Variants in GIMAP8 observed in about 807,000 individuals in gnomAD.
GIMAP8 encodes GTPase IMAP family member 8.
GIMAP8 carries 29 observed loss-of-function variants against 35.6 expected under a neutral mutation model. That is an observed-to-expected ratio of 0.81 (90% CI 0.61 to 1.11). The LOEUF (loss-of-function observed/expected upper bound fraction) is 1.11. Among genes scored for constraint, GIMAP8 ranks in the 50% most tolerant of loss-of-function variants. The pLI is 0.00. For synonymous variants in GIMAP8, 335 were observed against 308.7 expected (o/e 1.09, Z -0.89); for missense variants, 811 against 805.0 (o/e 1.01, Z -0.09).
Position 150,478,106 on chromosome 7 carries a change from A to G in GIMAP8, c.*326A>G. 3.1e-6 allele frequency: 1 copy of G among 327,640 alleles called. No homozygotes were observed. The highest frequency in any genetic ancestry group is 5.6e-6 in the Non-Finnish European group (1 of 177,672). The allele number at this position is 327,640 out of a possible 1,614,324, so 20.3% of individuals were successfully genotyped here. On this transcript the variant is annotated 3_prime_UTR_variant, in exon 5 of 5. Coordinates refer to ENST00000307271, the MANE Select transcript of GIMAP8 (RefSeq NM_175571.4). Reference sequence around the variant, plus strand: ...TAGGTAGGTTGGAATCAGGATAGACACTGTGATCAAGGCTGAGGCCACCTG... The same window carrying G: ...TAGGTAGGTTGGAATCAGGATAGACGCTGTGATCAAGGCTGAGGCCACCTG...
rs76135975 is a variant in GIMAP8 at position 150,467,021 on chromosome 7, G to A, written c.323G>A (p.Arg108Lys). 1 of 1,614,102 alleles carries A rather than the reference G, an allele frequency of 6.2e-7. No homozygotes were observed. Among genetic ancestry groups the A allele is most frequent in the African/African-American group, 1.3e-5 (1 of 74,924 alleles). The change falls in exon 2 of 5, where the codon AGG becomes AAG. Residue 108 changes from arginine (R) to lysine (K), a missense_variant. By Grantham distance (26) the Arg-to-Lys change is conservative. Transcript: ENST00000307271. ...LLVIAIGHFTREDEETAKGIQ... is the reference protein window; with the variant it reads ...LLVIAIGHFTKEDEETAKGIQ... Reference sequence around the variant, plus strand: ...GTAATTGCCATCGGCCATTTCACAAGGGAGGATGAGGAAACAGCCAAGGGC... The same window carrying A: ...GTAATTGCCATCGGCCATTTCACAAAGGAGGATGAGGAAACAGCCAAGGGC...
intron 1 of GIMAP8, among the ~76,000 whole-genome samples, chr7:150,461,456 T>C (rs1372761147): frequency 6.6e-6 from 1 of 152,228 alleles, no homozygotes; most frequent in East Asian, 1.9e-4. Context: ...AGTTGATCTA[T>C]CATTATATAA....
intron 1 of GIMAP8, among the ~76,000 whole-genome samples, chr7:150,452,199 C>T (rs192317919): frequency 3.6e-4 from 55 of 152,196 alleles, no homozygotes; most frequent in Admixed American, 4.6e-4. Flanking sequence ...GCTGGCAGAG[C>T]GTGAGTGAGG....
chr7:150,469,182 C>T (rs539389594), intron 2 of GIMAP8, among the ~76,000 whole-genome samples: 2 of 152,334 alleles, frequency 1.3e-5, no homozygotes, highest in Admixed American at 6.5e-5. Context: ...GTTACACTCA[C>T]ATCCACTCCT....
At chr7:150,473,856 T>C (rs143468888) in intron 3 of GIMAP8, among the ~76,000 whole-genome samples, 156 bp from the exon 4 acceptor site, 220 of 152,278 alleles carry the variant, frequency 1.4e-3, no homozygotes, top group African/African-American at 5.0e-3. Flanking sequence ...GGCTTTCACC[T>C]TGATGGAGAG....
At chr7:150,474,721 T>G in intron 4 of GIMAP8, 83 bp downstream of exon 4, 1 of 906,452 alleles carries the variant, frequency 1.1e-6, no homozygotes, top group Non-Finnish European at 1.5e-6. Flanking sequence ...TTATTTTCTT[T>G]TTTTTCTTTT....
intron 1 of GIMAP8, among the ~76,000 whole-genome samples, chr7:150,465,620 G>C (rs1002688673): frequency 1.8e-4 from 27 of 152,328 alleles, no homozygotes; most frequent in African/African-American, 5.8e-4. Flanking sequence ...AAATACAGAT[G>C]AGTAGTTCAC....
intron 1 of GIMAP8, among the ~76,000 whole-genome samples, chr7:150,460,074 T>C (rs1585113146): frequency 6.6e-6 from 1 of 152,136 alleles, no homozygotes; most frequent in South Asian, 2.1e-4. Flanking sequence ...GTGGTGGCCA[T>C]AGCCAGATTG....
At chr7:150,471,178 C>T (rs1313063289) in intron 3 of GIMAP8, among the ~76,000 whole-genome samples, 3 of 152,216 alleles carry the variant, frequency 2.0e-5, no homozygotes, top group Non-Finnish European at 4.4e-5. Flanking sequence ...TTGGATCCGG[C>T]CCTGCCCAAG....
Position 150,470,876 on chromosome 7 carries a change from T to C in GIMAP8, c.682+2T>C. ...CTCAAGAGGGAGACAAGCCACAGGG[T>C]AAGTTGATCTTTAAGAAACATTAAG... is the stretch of plus-strand genomic sequence containing the variant. On this transcript the variant is annotated splice_donor_variant, in intron 3 of 4. Transcript: ENST00000307271. LOFTEE classifies it high-confidence loss of function. 1.9e-6 allele frequency: 3 copies of C among 1,594,540 alleles called. No individual in the cohort carries two copies. Among genetic ancestry groups the C allele is most frequent in the Non-Finnish European group, 2.6e-6 (3 of 1,163,376 alleles).
At position 150,474,566 on chromosome 7, in the gene GIMAP8, G is replaced by A; in HGVS notation, c.1237G>A (p.Asp413Asn). The A allele has an allele frequency of 6.2e-7, 1 of 1,613,534 alleles. No homozygotes were observed. Among genetic ancestry groups the A allele is most frequent in the East Asian group, 2.2e-5 (1 of 44,882 alleles). ...AGGAGAAGAAGAGCAAAGGCAGGCG[G>A]ACGAGCTCCTGGAAAAAATTGAGAG... ...ATGEEEQRQA[D>N]ELLEKIESMV... The change falls in exon 4 of 5, where the codon GAC becomes AAC. Residue 413 changes from aspartate to asparagine, a missense_variant. Physicochemically the swap from Asp to Asn is conservative, Grantham distance 23. Transcript: ENST00000307271.
chr7:150,458,178 T>C (rs1801769793), intron 1 of GIMAP8, among the ~76,000 whole-genome samples: 1 of 152,122 alleles, frequency 6.6e-6, no homozygotes, highest in African/African-American at 2.4e-5. Context: ...GATACTTATT[T>C]GAGGAATTGG....
In GIMAP8 at chr7:150,477,166, C is replaced by T. The variant is rs762631650; in HGVS notation, c.1384C>T (p.Leu462Phe). 6.2e-7 allele frequency: 1 copy of T among 1,614,092 alleles called. No individual in the cohort carries two copies. Among genetic ancestry groups the T allele is most frequent in the South Asian group, 1.1e-5 (1 of 91,070 alleles). Residue 462 changes from leucine to phenylalanine, a missense_variant, in exon 5 of 5, where the codon CTC becomes TTC. Coordinates refer to ENST00000307271, the MANE Select transcript of GIMAP8 (RefSeq NM_175571.4). ...GACCGGGAACTCTATCCTGGGGAGC[C>T]TCGTCTTCACCTCTCGGCTCCGGGC... ...SATGNSILGS[L>F]VFTSRLRAQP...
At chr7:150,452,294 TAGG>T (rs1328606564) in intron 1 of GIMAP8, among the ~76,000 whole-genome samples, 2 of 151,808 alleles carry the variant, frequency 1.3e-5, no homozygotes, top group African/African-American at 4.8e-5. Context: ...GTATGTGTGG[TAGG>T]AGTGTGCATG....
chr7:150,474,209 A>C lies in GIMAP8; in HGVS notation c.880A>C (p.Arg294=). Residue 294 remains arginine, a synonymous_variant, in exon 4 of 5, where the codon AGA becomes CGA. Transcript: ENST00000307271. ...CTTCTTGTCTGAGAGCAGAAGCTGG[A>C]GAAAAAAGAAAGTTTCGATCATTGA... is the stretch of plus-strand genomic sequence containing the variant. The part of the protein sequence containing the change: ...QSFLSESRSW[R]KKKVSIIDAP... The C allele has an allele frequency of 6.2e-7, 1 of 1,614,198 alleles. No homozygotes were observed. The highest frequency in any genetic ancestry group is 1.1e-5 in the South Asian group (1 of 91,086).
At chr7:150,462,214 A>C (rs1177040679) in intron 1 of GIMAP8, among the ~76,000 whole-genome samples, 1 of 152,238 alleles carries the variant, frequency 6.6e-6, no homozygotes, top group African/African-American at 2.4e-5. Flanking sequence ...TCATCAGTTA[A>C]GGCTATTTTC....
intron 1 of GIMAP8, among the ~76,000 whole-genome samples, chr7:150,459,697 A>G (rs1056127290): frequency 6.6e-6 from 1 of 152,180 alleles, no homozygotes; most frequent in Non-Finnish European, 1.5e-5. Flanking sequence ...CTCCTTCAGG[A>G]TGGCAGGGAA....
In GIMAP8 at chr7:150,467,010, C is replaced by T. The variant is rs1801977972; in HGVS notation, c.312C>T (p.Gly104=). The change falls in exon 2 of 5, where the codon GGC becomes GGT. Residue 104 remains glycine (G), a synonymous_variant. Coordinates refer to ENST00000307271, the MANE Select transcript of GIMAP8 (RefSeq NM_175571.4). ...CTCTGCTCTTGGTAATTGCCATCGG[C>T]CATTTCACAAGGGAGGATGAGGAAA... ...LHALLLVIAI[G]HFTREDEETA... The T allele has an allele frequency of 3.1e-6, 5 of 1,614,166 alleles. No homozygotes were observed. The South Asian group carries it at 5.5e-5, about 18-fold the overall frequency.
In GIMAP8 at chr7:150,477,176, C is replaced by T; in HGVS notation, c.1394C>T (p.Thr465Ile). ...GNSILGSLVF[T>I]SRLRAQPVTK... ...TCTATCCTGGGGAGCCTCGTCTTCA[C>T]CTCTCGGCTCCGGGCCCAGCCAGTC... is the stretch of plus-strand genomic sequence containing the variant. Residue 465 changes from threonine to isoleucine, a missense_variant, in exon 5 of 5, where the codon ACC becomes ATC. Thr to Ile is a moderately conservative substitution (Grantham distance 89). Transcript: ENST00000307271. The T allele has an allele frequency of 2.5e-6, 4 of 1,614,090 alleles. No homozygotes were observed. Among genetic ancestry groups the T allele is most frequent in the South Asian group, 1.1e-5 (1 of 91,072 alleles).
Sources: gnomAD v4.1 joint callset for allele counts (sites outside exome capture counted in the v4.1 genomes callset) on GRCh38, gnomAD v4.1.1 for gene constraint, MANE v1.5 for transcripts, NCBI Gene and HGNC (gene_info 2026-07-23, HGNC 2026-07-21) for gene names.